Variants in ACTN4 observed in about 807,000 individuals in gnomAD.
ACTN4 encodes the protein actinin alpha 4.
Under a neutral mutation model 114.2 loss-of-function variants are expected in ACTN4, and 18 were observed. That is an observed-to-expected ratio of 0.16 (90% CI 0.11 to 0.23). The LOEUF (loss-of-function observed/expected upper bound fraction) is 0.23, where lower values mean the gene tolerates loss of function less well. ACTN4 is among the 10% of genes least tolerant of loss of function. ACTN4 has a pLI of 1.00. For missense variants in ACTN4, 722 were observed against 1,262.9 expected (o/e 0.57, Z 6.49); for synonymous variants, 515 against 506.3 (o/e 1.02, Z -0.23).
chr19:38,672,419 T>G (rs567968419), intron 1 of ACTN4, among the ~76,000 whole-genome samples: 18 of 151,358 alleles, frequency 1.2e-4, no homozygotes, highest in Admixed American at 1.1e-3. Context: ...TTTTGTATTT[T>G]TAGTAGAGAC....
At chr19:38,696,551 A>C (rs1019939684) in intron 1 of ACTN4, among the ~76,000 whole-genome samples, 1 of 152,214 alleles carries the variant, frequency 6.6e-6, no homozygotes, top group African/African-American at 2.4e-5. Context: ...TTAATGTCCC[A>C]TTCGAACTCC....
In ACTN4 at chr19:38,730,921, G is replaced by T; in HGVS notation, c.*1489G>T. 6.4e-7 allele frequency: 1 copy of T among 1,550,478 alleles called. No individual in the cohort carries two copies. The highest frequency in any genetic ancestry group is 2.4e-5 in the East Asian group (1 of 40,928). On this transcript the variant is annotated 3_prime_UTR_variant, in exon 21 of 21. Coordinates refer to ENST00000252699, the MANE Select transcript of ACTN4 (RefSeq NM_004924.6). The stretch of plus-strand genomic sequence containing the variant: ...GACAGTGGCTTGAGGCAGGGAGCTC[G>T]CAGGACAGAGCCTGAGCCACCCTGT...
chr19:38,682,186 T>C (rs992100103), intron 1 of ACTN4, among the ~76,000 whole-genome samples: 3 of 152,110 alleles, frequency 2.0e-5, no homozygotes, highest in Admixed American at 2.0e-4. Flanking sequence ...CAACTGCTTT[T>C]CTTTTTTCTT....
intron 1 of ACTN4, among the ~76,000 whole-genome samples, chr19:38,685,975 A>G (rs562124272): frequency 3.2e-4 from 48 of 152,290 alleles, no homozygotes; most frequent in Non-Finnish European, 5.6e-4. Context: ...TTTGAATACT[A>G]GCAAAAAAAC....
chr19:38,680,762 C>A (rs1434125470), intron 1 of ACTN4, among the ~76,000 whole-genome samples: 1 of 152,254 alleles, frequency 6.6e-6, no homozygotes, highest in Non-Finnish European at 1.5e-5. Flanking sequence ...TCTCTTAGAA[C>A]CCTCACCTTC....
intron 19 of ACTN4, chr19:38,728,288 C>T (rs1214370609): frequency 1.3e-6 from 2 of 1,533,434 alleles, no homozygotes; most frequent in East Asian, 2.5e-5. Context: ...GCCCGGCCTC[C>T]TCTGCTATGC....
At chr19:38,700,885 A>G in intron 2 of ACTN4, 117 bp from the exon 3 acceptor site, 1 of 1,495,192 alleles carries the variant, frequency 6.7e-7, no homozygotes, top group Non-Finnish European at 9.1e-7. Flanking sequence ...CTGGTGGGCC[A>G]GCAGAGGAAC....
intron 1 of ACTN4, among the ~76,000 whole-genome samples, chr19:38,673,531 ATATACT>A (rs1261003415): frequency 8.4e-3 from 592 of 70,254 alleles, no homozygotes; most frequent in East Asian, 0.015. Flanking sequence ...ATATATTCAT[ATATACT>A]TATATATATT....
chr19:38,730,215 A>ACTT lies in ACTN4; in HGVS notation c.*784_*786dup, dbSNP rs1291120505. On this transcript the variant is annotated 3_prime_UTR_variant, in exon 21 of 21. Transcript: ENST00000252699. ...CAGAGAATTACTATTTACTTTATTA[A>ACTT]CTTACGGATTTATTATATAAATATA... 1 of 157,156 alleles carries ACTT rather than the reference A, an allele frequency of 6.4e-6. No individual in the cohort carries two copies. The highest frequency in any genetic ancestry group is 2.4e-5 in the African/African-American group (1 of 41,434). 9.7% of individuals were successfully genotyped at this position (157,156 alleles called of 1,614,324 possible). A position where few individuals can be genotyped will look rare whatever the true frequency, so the allele number is the denominator to read the frequency against.
chr19:38,680,743 C>T (rs1239537961), intron 1 of ACTN4, among the ~76,000 whole-genome samples: 1 of 152,062 alleles, frequency 6.6e-6, no homozygotes, highest in Non-Finnish European at 1.5e-5. Context: ...GATTTCTTTC[C>T]CTTGAATATC....
In ACTN4 at chr19:38,714,453, G is replaced by T; in HGVS notation, c.820-16G>T. ...GGCCAGCCCCCAGGCAGCCCTGACTGTGTGCTCCCCTCCAGGCTGAAACTG... is the reference window on the plus strand; with the variant it reads ...GGCCAGCCCCCAGGCAGCCCTGACTTTGTGCTCCCCTCCAGGCTGAAACTG... On this transcript the variant is annotated splice_polypyrimidine_tract_variant and intron_variant, in intron 8 of 20. Coordinates refer to ENST00000252699, the MANE Select transcript of ACTN4 (RefSeq NM_004924.6). 6.2e-7 allele frequency: 1 copy of T among 1,612,998 alleles called. No homozygotes were observed. The highest frequency in any genetic ancestry group is 8.5e-7 in the Non-Finnish European group (1 of 1,179,656).
At chr19:38,685,019 C>T (rs1212783633) in intron 1 of ACTN4, among the ~76,000 whole-genome samples, 1 of 152,184 alleles carries the variant, frequency 6.6e-6, no homozygotes, top group Non-Finnish European at 1.5e-5. Flanking sequence ...GATCTCAGCT[C>T]ACTGCAACCT....
intron 1 of ACTN4, among the ~76,000 whole-genome samples, chr19:38,677,062 A>G (rs1226243231): frequency 6.6e-6 from 1 of 152,094 alleles, no homozygotes; most frequent in African/African-American, 2.4e-5. Flanking sequence ...GGGACTTCAC[A>G]CGGGGCCCTT....
chr19:38,668,180 C>G (rs531690746), intron 1 of ACTN4, among the ~76,000 whole-genome samples: 1 of 152,226 alleles, frequency 6.6e-6, no homozygotes, highest in South Asian at 2.1e-4. Context: ...AGTTAGAGTG[C>G]CCCCCTTCCT....
intron 11 of ACTN4, among the ~76,000 whole-genome samples, chr19:38,720,213 G>C (rs1599850786): frequency 6.6e-6 from 1 of 152,224 alleles, no homozygotes; most frequent in Non-Finnish European, 1.5e-5. Context: ...GAGGGTCGTC[G>C]TGGATGCTTC....
intron 1 of ACTN4, among the ~76,000 whole-genome samples, chr19:38,676,336 A>G (rs1029432407): frequency 1.3e-5 from 2 of 152,202 alleles, no homozygotes; most frequent in Non-Finnish European, 2.9e-5. Context: ...AAGAAGCAGC[A>G]ATCTCTTACT....
intron 1 of ACTN4, among the ~76,000 whole-genome samples, chr19:38,690,590 C>T (rs1967892914): frequency 6.6e-6 from 1 of 152,218 alleles, no homozygotes; most frequent in Non-Finnish European, 1.5e-5. Flanking sequence ...TTGCTGCCAT[C>T]TTGGGAGCAG....
At chr19:38,686,054 T>A (rs1967731557) in intron 1 of ACTN4, among the ~76,000 whole-genome samples, 2 of 152,144 alleles carry the variant, frequency 1.3e-5, no homozygotes, top group Non-Finnish European at 2.9e-5. Context: ...AGACACCCCT[T>A]TCCTGTGGCA....
In ACTN4 at chr19:38,730,537, G is replaced by A. The variant is rs547657871; in HGVS notation, c.*1105G>A. ...TGTAATATTTTTAAGAAGGATTCCT[G>A]CAGCATCATCTTTTTTTATTTCTCC... On this transcript the variant is annotated 3_prime_UTR_variant, in exon 21 of 21. Transcript: ENST00000252699. The A allele has an allele frequency of 1.6e-5, 7 of 445,056 alleles. No individual in the cohort carries two copies. The highest frequency in any genetic ancestry group is 3.8e-5 in the Admixed American group (1 of 26,464). 27.6% of individuals were successfully genotyped at this position (445,056 alleles called of 1,614,324 possible).
Sources: gnomAD v4.1 joint callset for allele counts (sites outside exome capture counted in the v4.1 genomes callset) on GRCh38, gnomAD v4.1.1 for gene constraint, MANE v1.5 for transcripts, NCBI Gene and HGNC (gene_info 2026-07-23, HGNC 2026-07-21) for gene names.